Variants in DYM observed in about 807,000 individuals in gnomAD.
DYM encodes the protein dyggve-Melchior-Clausen syndrome protein.
A neutral mutation model predicts 93.1 loss-of-function variants in DYM; 78 were observed. The ratio of observed to expected loss-of-function variants is 0.84; its 90% CI spans 0.70 to 1.01. DYM has a LOEUF of 1.01. Ranked by LOEUF, DYM falls within the 50% of genes least tolerant of loss-of-function variation. The probability of loss-of-function intolerance (pLI) is 0.00; values close to 1 mark genes in which losing one functional copy is unlikely to be tolerated. For missense variants in DYM, 789 were observed against 845.0 expected (o/e 0.93, Z 0.82); for synonymous variants, 321 against 319.7 (o/e 1.00, Z -0.04).
intron 15 of DYM, among the ~76,000 whole-genome samples, chr18:49,128,247 T>C (rs554387603): frequency 2.1e-4 from 32 of 152,300 alleles, no homozygotes; most frequent in South Asian, 1.2e-3. Flanking sequence ...GGGTGCAGAA[T>C]AGAGTTTCTC....
intron 17 of DYM, among the ~76,000 whole-genome samples, chr18:49,072,448 T>C (rs907912171): frequency 6.6e-6 from 1 of 152,186 alleles, no homozygotes; most frequent in African/African-American, 2.4e-5. Context: ...CCAGACTCAC[T>C]CCCTGGCCAC....
chr18:49,068,623 G>T (rs527659174), intron 17 of DYM, among the ~76,000 whole-genome samples: 1 of 152,134 alleles, frequency 6.6e-6, no homozygotes, highest in African/African-American at 2.4e-5. Flanking sequence ...AAATGAACTG[G>T]GTACCCTGAC....
intron 1 of DYM, among the ~76,000 whole-genome samples, chr18:49,449,414 C>T (rs1348839329): frequency 6.6e-6 from 1 of 152,154 alleles, no homozygotes; most frequent in Non-Finnish European, 1.5e-5. Context: ...GGAAGAGAGG[C>T]GGTACCTCTT....
At chr18:49,114,196 A>G (rs1327219643) in intron 16 of DYM, among the ~76,000 whole-genome samples, 2 of 152,248 alleles carry the variant, frequency 1.3e-5, no homozygotes, top group Non-Finnish European at 2.9e-5. Context: ...TTATCTGTAA[A>G]GTGGGATAAT....
chr18:49,443,335 C>G (rs1372552478), intron 1 of DYM, among the ~76,000 whole-genome samples: 3 of 152,152 alleles, frequency 2.0e-5, no homozygotes, highest in Non-Finnish European at 2.9e-5. Flanking sequence ...CTACAGAGAT[C>G]ATATTTGGTG....
chr18:49,163,546 A>C, intron 15 of DYM, 139 bp downstream of exon 15: 1 of 608,064 alleles, frequency 1.6e-6, no homozygotes, highest in African/African-American at 1.9e-5. Context: ...GGGTTTCACC[A>C]TGTTGGCCAG....
rs542854188 is a variant in DYM at position 49,069,042 on chromosome 18, T to C, written c.2026-24838A>G. 6.4e-4 allele frequency among the ~76,000 whole-genome samples: 97 copies of C among 152,376 alleles called. 1 individual carries two copies. Among genetic ancestry groups the C allele is most frequent in the South Asian group, 1.5e-3 (7 of 4,826 alleles). On this transcript the variant is annotated intron_variant, in intron 17 of 17. Coordinates refer to ENST00000675505, the MANE Select transcript of DYM (RefSeq NM_001353214.3). ...CAAAAGAAGTATAATAAATTGATTATGGAAGAAGGGATCTTTGGAGTTAGC... is the reference window on the plus strand; with the variant it reads ...CAAAAGAAGTATAATAAATTGATTACGGAAGAAGGGATCTTTGGAGTTAGC...
At chr18:49,447,055 C>A (rs1472892788) in intron 1 of DYM, among the ~76,000 whole-genome samples, 12 of 140,846 alleles carry the variant, frequency 8.5e-5, no homozygotes, top group East Asian at 2.3e-4. Flanking sequence ...AGGAAGACTC[C>A]ATCACAAAAA....
chr18:49,047,906 C>G (rs760627918), intron 17 of DYM, among the ~76,000 whole-genome samples: 4 of 152,186 alleles, frequency 2.6e-5, no homozygotes, highest in Non-Finnish European at 5.9e-5. Flanking sequence ...CCCACGGCAT[C>G]CTGGTCAGTC....
intron 14 of DYM, among the ~76,000 whole-genome samples, chr18:49,183,242 G>T (rs2090100476): frequency 6.6e-6 from 1 of 152,058 alleles, no homozygotes; most frequent in Non-Finnish European, 1.5e-5. Flanking sequence ...TCTTATTGTA[G>T]ATTGTAAATG....
chr18:49,065,487 C>G (rs983710001), intron 17 of DYM, among the ~76,000 whole-genome samples: 1 of 152,142 alleles, frequency 6.6e-6, no homozygotes, highest in African/African-American at 2.4e-5. Context: ...CTCACCCTCC[C>G]GAGTAGCTGG....
chr18:49,055,321 C>A (rs978789460), intron 17 of DYM, among the ~76,000 whole-genome samples: 1 of 152,048 alleles, frequency 6.6e-6, no homozygotes, highest in African/African-American at 2.4e-5. Flanking sequence ...AGCCTAGAGT[C>A]GAGGGGACAG....
intron 12 of DYM, among the ~76,000 whole-genome samples, chr18:49,257,771 C>T (rs180824495): frequency 6.6e-6 from 1 of 151,860 alleles, no homozygotes; most frequent in Admixed American, 6.5e-5. Context: ...TCACTTAAGC[C>T]CAGGGGTTGG....
intron 13 of DYM, among the ~76,000 whole-genome samples, chr18:49,247,350 G>C (rs2094194455): frequency 6.6e-6 from 1 of 152,170 alleles, no homozygotes; most frequent in Non-Finnish European, 1.5e-5. Context: ...ATAACAAACT[G>C]TCCTTTGTCC....
Position 49,038,014 on chromosome 18 carries a change from G to T in DYM, c.*6041C>A, listed in dbSNP as rs573999217. On this transcript the variant is annotated 3_prime_UTR_variant, in exon 18 of 18. Transcript: ENST00000675505. ...TAATTTTTTTATTTTTTGTAAAGGT[G>T]GGGCCTCATTATGTTGCCCAAGCTG... 1.5e-4 allele frequency among the ~76,000 whole-genome samples: 23 copies of T among 152,048 alleles called. No individual in the cohort carries two copies. The highest frequency in any genetic ancestry group is 2.8e-4 in the Non-Finnish European group (19 of 68,024).
chr18:49,226,233 C>T lies in DYM; in HGVS notation c.1461-16518G>A, dbSNP rs542057326. 2.6e-5 allele frequency among the ~76,000 whole-genome samples: 4 copies of T among 152,180 alleles called. No individual in the cohort carries two copies. In the East Asian group the frequency reaches 7.7e-4, roughly 29 times the overall value. On this transcript the variant is annotated intron_variant, in intron 13 of 17. Coordinates refer to ENST00000675505, the MANE Select transcript of DYM (RefSeq NM_001353214.3). ...TGTACAGGGAACTCATTAAGTATAC[C>T]ACTGTCCCTTGTTTTACAGATGTAC...
Position 49,196,204 on chromosome 18 carries a change from G to A in DYM, c.1625+13347C>T, listed in dbSNP as rs546943231. ...GCCTTCCAAAGTGCTGGGATTACAG[G>A]TGTGAGCCACTGCACTGCACCCGGC... is the stretch of plus-strand genomic sequence containing the variant. On this transcript the variant is annotated intron_variant, in intron 14 of 17. Transcript: ENST00000675505. Among the ~76,000 whole-genome samples, 9 of 152,168 alleles carry A rather than the reference G, an allele frequency of 5.9e-5. No homozygotes were observed. The East Asian group carries it at 1.7e-3, about 29-fold the overall frequency.
chr18:49,262,552 C>A (rs2094506289), intron 11 of DYM, among the ~76,000 whole-genome samples: 1 of 152,124 alleles, frequency 6.6e-6, no homozygotes, highest in Non-Finnish European at 1.5e-5. Flanking sequence ...GTTTCTGTAA[C>A]CCTCCTATAT....
chr18:49,399,196 G>C (rs578193997), intron 2 of DYM, among the ~76,000 whole-genome samples: 8 of 152,154 alleles, frequency 5.3e-5, no homozygotes, highest in Non-Finnish European at 8.8e-5. Context: ...AGCCCTGTGT[G>C]TGAGCTCACA....
Sources: gnomAD v4.1 joint callset for allele counts (sites outside exome capture counted in the v4.1 genomes callset) on GRCh38, gnomAD v4.1.1 for gene constraint, MANE v1.5 for transcripts, NCBI Gene and HGNC (gene_info 2026-07-23, HGNC 2026-07-21) for gene names.